The following CCDC148 variants were observed in gnomAD, a reference collection of about 807,000 sequenced individuals.
The protein encoded by CCDC148 is coiled-coil domain-containing protein 148.
In CCDC148, 89 loss-of-function variants were observed where a neutral mutation model predicts 85.7. The observed-to-expected ratio is 1.04, with a 90% CI of 0.87 to 1.24. The LOEUF (loss-of-function observed/expected upper bound fraction) is 1.24, where lower values mean the gene tolerates loss of function less well. Ranked by LOEUF, CCDC148 falls within the 50% of genes most tolerant of loss-of-function variation. The pLI is 0.00. For missense variants in CCDC148, 692 were observed against 671.7 expected, an observed-to-expected ratio of 1.03 and a Z score of -0.33; for synonymous variants, 230 against 213.9, an observed-to-expected ratio of 1.08 and a Z score of -0.66.
chr2:158,339,141 ATATT>A, intron 5 of CCDC148, 56 bp from the exon 6 acceptor site: 2 of 1,206,812 alleles, frequency 1.7e-6, no homozygotes, highest in Admixed American at 3.5e-5. Flanking sequence ...TTCCATATTT[ATATT>A]TAAAGACACA....
chr2:158,245,521 T>C (rs1413375294), intron 10 of CCDC148, among the ~76,000 whole-genome samples: 3 of 152,178 alleles, frequency 2.0e-5, no homozygotes, highest in African/African-American at 4.8e-5. Context: ...TTTGAAACGC[T>C]AGACGAGGGG....
intron 11 of CCDC148, among the ~76,000 whole-genome samples, chr2:158,194,521 G>A (rs543289310): frequency 6.6e-6 from 1 of 152,110 alleles, no homozygotes; most frequent in African/African-American, 2.4e-5. Context: ...TGGAATCAAG[G>A]ATGCCTATTT....
intron 5 of CCDC148, among the ~76,000 whole-genome samples, chr2:158,339,926 G>T (rs900330598): frequency 2.0e-5 from 3 of 152,144 alleles, no homozygotes; most frequent in African/African-American, 7.2e-5. Flanking sequence ...GGGAATTTCA[G>T]CAACAGATGA....
rs1172245691 is a variant in CCDC148 at position 158,358,546 on chromosome 2, T to C, written c.50A>G (p.Asn17Ser). ...SPDNLVFHMKNEMRNIKYKPV... is the reference protein window; with the variant it reads ...SPDNLVFHMKSEMRNIKYKPV... Reference sequence around the variant, plus strand: ...TTTGTACTTGATGTTTCTCATCTCATTTTTCATATGGAATACCAGATTATC... The same window carrying C: ...TTTGTACTTGATGTTTCTCATCTCACTTTTCATATGGAATACCAGATTATC... Residue 17 changes from asparagine to serine, a missense_variant, in exon 2 of 14, where the codon AAT becomes AGT. Coordinates refer to ENST00000283233, the MANE Select transcript of CCDC148 (RefSeq NM_138803.4). 6 of 1,586,758 alleles carry C rather than the reference T, an allele frequency of 3.8e-6. No homozygotes were observed. The highest frequency in any genetic ancestry group is 5.1e-6 in the Non-Finnish European group (6 of 1,166,600).
intron 10 of CCDC148, chr2:158,236,155 C>T (rs907600371): frequency 7.2e-5 from 11 of 152,174 alleles, no homozygotes; most frequent in African/African-American, 2.4e-4. Context: ...AAATAAATAA[C>T]ACTAATCTCT....
At chr2:158,310,335 C>T (rs1691917009) in intron 8 of CCDC148, among the ~76,000 whole-genome samples, 1 of 152,234 alleles carries the variant, frequency 6.6e-6, no homozygotes, top group Non-Finnish European at 1.5e-5. Flanking sequence ...TCTACACAGA[C>T]ACAGTAACAA....
intron 11 of CCDC148, among the ~76,000 whole-genome samples, chr2:158,207,164 A>T (rs1180067178): frequency 6.6e-6 from 1 of 152,204 alleles, no homozygotes; most frequent in African/African-American, 2.4e-5. Context: ...CTTCCTAAGG[A>T]AGTCCATTAA....
intron 1 of CCDC148, among the ~76,000 whole-genome samples, chr2:158,397,038 T>G (rs1169068359): frequency 6.6e-6 from 1 of 151,992 alleles, no homozygotes; most frequent in Admixed American, 6.6e-5. Context: ...AGAACAGGGA[T>G]GTACGGTGCA....
intron 11 of CCDC148, among the ~76,000 whole-genome samples, chr2:158,219,345 T>C (rs1361283639): frequency 6.6e-6 from 1 of 152,240 alleles, no homozygotes; most frequent in African/African-American, 2.4e-5. Context: ...GTTATCAATG[T>C]AATGTCTCAC....
At chr2:158,340,427 A>T (rs1390636852) in intron 4 of CCDC148, 34 bp from the exon 5 acceptor site, 1 of 1,604,156 alleles carries the variant, frequency 6.2e-7, no homozygotes, top group East Asian at 2.2e-5. Flanking sequence ...AAAGGAACAC[A>T]TTATTATTTT....
chr2:158,226,580 A>G (rs1225585328), intron 10 of CCDC148, among the ~76,000 whole-genome samples: 1 of 152,232 alleles, frequency 6.6e-6, no homozygotes, highest in Non-Finnish European at 1.5e-5. Context: ...AACTGAATCC[A>G]GCTGCACATC....
In CCDC148 at chr2:158,231,355, T is replaced by C. The variant is rs1483608155; in HGVS notation, c.1252-10642A>G. Among the ~76,000 whole-genome samples the C allele has an allele frequency of 3.3e-5, 5 of 152,328 alleles. No individual in the cohort carries two copies. The East Asian group carries it at 9.6e-4, about 29-fold the overall frequency. On this transcript the variant is annotated intron_variant, in intron 10 of 13. Coordinates refer to ENST00000283233, the MANE Select transcript of CCDC148 (RefSeq NM_138803.4). ...TCCTCAAATCTTCTCCTGAGCCTTC[T>C]AGAAAAACAGTAGCTCCATCCATGG...
At chr2:158,188,046 C>T (rs1263538169) in intron 11 of CCDC148, among the ~76,000 whole-genome samples, 2 of 151,954 alleles carry the variant, frequency 1.3e-5, no homozygotes, top group African/African-American at 4.8e-5. Context: ...GAAAGCCAGA[C>T]GGCCTCCTTA....
At chr2:158,203,549 T>C (rs955026127) in intron 11 of CCDC148, among the ~76,000 whole-genome samples, 11 of 152,010 alleles carry the variant, frequency 7.2e-5, no homozygotes, top group African/African-American at 2.4e-4. Flanking sequence ...TGGAGACAGA[T>C]ATGGGGAAAG....
At chr2:158,334,503 G>C (rs1693319719) in intron 7 of CCDC148, among the ~76,000 whole-genome samples, 1 of 66,256 alleles carries the variant, frequency 1.5e-5, no homozygotes, top group Non-Finnish European at 3.2e-5. Flanking sequence ...TTTTTGAATG[G>C]CCTTCTCTAC....
At chr2:158,418,730 G>A (rs1443536065) in intron 1 of CCDC148, among the ~76,000 whole-genome samples, 2 of 148,418 alleles carry the variant, frequency 1.3e-5, no homozygotes, top group Non-Finnish European at 3.0e-5. Context: ...TTGGTTGCTT[G>A]TCTGTCTTTC....
At chr2:158,259,247 C>T (rs947673147) in intron 9 of CCDC148, among the ~76,000 whole-genome samples, 8 of 151,794 alleles carry the variant, frequency 5.3e-5, no homozygotes, top group Non-Finnish European at 7.4e-5. Context: ...CATAACACTG[C>T]TTACTTTTTC....
chr2:158,250,842 T>C lies in CCDC148; in HGVS notation c.1181A>G (p.Glu394Gly). Residue 394 changes from glutamate (E) to glycine (G), a missense_variant, in exon 10 of 14, where the codon GAA (glutamate) becomes GGA (glycine). By Grantham distance (98) the Glu-to-Gly change is moderately conservative (BLOSUM62 -2). Coordinates refer to ENST00000283233, the MANE Select transcript of CCDC148 (RefSeq NM_138803.4). ...LEMEISARRR[E>G]KEEEKEKLWK... ...CAGTTTCTCTTTCTCCTCTTCCTTT[T>C]CTCTTCTTCTGGCAGAAATTTCCAT... is the stretch of plus-strand genomic sequence containing the variant. 1 of 1,608,086 alleles carries C rather than the reference T, an allele frequency of 6.2e-7. No homozygotes were observed.
intron 1 of CCDC148, among the ~76,000 whole-genome samples, chr2:158,448,012 T>C (rs1688231758): frequency 6.6e-6 from 1 of 152,186 alleles, no homozygotes; most frequent in Non-Finnish European, 1.5e-5. Flanking sequence ...TAATTTTAGC[T>C]CTTACAGGTA....
Sources: gnomAD v4.1 joint callset for allele counts (sites outside exome capture counted in the v4.1 genomes callset) on GRCh38, gnomAD v4.1.1 for gene constraint, MANE v1.5 for transcripts, NCBI Gene and HGNC (gene_info 2026-07-23, HGNC 2026-07-21) for gene names.